Variants in BRD10 observed in about 807,000 individuals in gnomAD.
BRD10 encodes the protein bromodomain containing 10.
chr9:5,928,982 AT>A, the BRD10 span: 42 of 864,364 alleles, frequency 4.9e-5, no homozygotes, highest in Non-Finnish European at 6.8e-5. Flanking sequence ...CCAGGACATC[AT>A]CCAAAAATCG....
At chr9:5,975,565 C>A in the BRD10 span, among the ~76,000 whole-genome samples, 1 of 148,020 alleles carries the variant, frequency 6.8e-6, no homozygotes, top group African/African-American at 2.5e-5. Flanking sequence ...AAGACCCAAA[C>A]TACACTTTTG....
chr9:5,923,595 T>C, the BRD10 span, among the ~76,000 whole-genome samples: 1 of 152,192 alleles, frequency 6.6e-6, no homozygotes, highest in African/African-American at 2.4e-5. Flanking sequence ...CCAGTGTAAG[T>C]GCAAAAAACT....
the BRD10 span, among the ~76,000 whole-genome samples, chr9:6,000,981 C>G: frequency 6.6e-6 from 1 of 152,178 alleles, no homozygotes; most frequent in Non-Finnish European, 1.5e-5. Flanking sequence ...TGTCACTATG[C>G]TGGACTCCAC....
the BRD10 span, chr9:5,988,508 T>C: frequency 1.2e-6 from 2 of 1,613,896 alleles, no homozygotes; most frequent in Non-Finnish European, 1.7e-6. Context: ...TAATAGCCTC[T>C]AGATGTAACT....
At chr9:5,925,850 C>T in the BRD10 span, among the ~76,000 whole-genome samples, 3 of 152,104 alleles carry the variant, frequency 2.0e-5, no homozygotes, top group African/African-American at 4.8e-5. Flanking sequence ...AAGTGTTCTA[C>T]CTTATCCTCA....
At chr9:5,930,369 T>TTTTA in the BRD10 span, among the ~76,000 whole-genome samples, 6,004 of 135,454 alleles carry the variant, frequency 0.044, 216 homozygotes, top group Admixed American at 0.086. Context: ...TATAAGGAGA[T>TTTTA]TATATATATA....
the BRD10 span, among the ~76,000 whole-genome samples, chr9:5,975,682 C>T: frequency 1.3e-5 from 2 of 151,992 alleles, no homozygotes. Flanking sequence ...GAGAGAGAAA[C>T]TGTCCAAACT....
chr9:5,978,203 C>T, the BRD10 span, among the ~76,000 whole-genome samples: 1 of 151,918 alleles, frequency 6.6e-6, no homozygotes, highest in Non-Finnish European at 1.5e-5. Flanking sequence ...CTAATAGAAG[C>T]TGTGCCTAAG....
chr9:5,988,486 T>C, the BRD10 span: 2 of 1,613,836 alleles, frequency 1.2e-6, no homozygotes, highest in Non-Finnish European at 1.7e-6. Flanking sequence ...TCCCTTCTCA[T>C]CCTCCAATCC....
At chr9:5,920,482 G>A in the BRD10 span, 1 of 1,613,948 alleles carries the variant, frequency 6.2e-7, no homozygotes, top group Non-Finnish European at 8.5e-7. Flanking sequence ...TGTAACTGGG[G>A]GTTTTTACTA....
the BRD10 span, among the ~76,000 whole-genome samples, chr9:5,896,506 T>C: frequency 6.6e-6 from 1 of 152,220 alleles, no homozygotes; most frequent in Non-Finnish European, 1.5e-5. Flanking sequence ...GTCCAGTAGA[T>C]GGTACTGAGC....
chr9:5,885,913 T>C, the BRD10 span, among the ~76,000 whole-genome samples: 1 of 152,172 alleles, frequency 6.6e-6, no homozygotes, highest in East Asian at 1.9e-4. Flanking sequence ...CAGCTCCTCC[T>C]ATGAAAGGGC....
chr9:5,949,422 A>C, the BRD10 span, among the ~76,000 whole-genome samples: 2 of 152,188 alleles, frequency 1.3e-5, no homozygotes, highest in Non-Finnish European at 2.9e-5. Context: ...TTTTGGTTTC[A>C]ATTTGTTATG....
the BRD10 span, among the ~76,000 whole-genome samples, chr9:5,905,866 G>A: frequency 4.6e-5 from 7 of 152,140 alleles, no homozygotes; most frequent in South Asian, 6.2e-4. Context: ...CTATTCTCCC[G>A]GCCATGGTCA....
the BRD10 span, among the ~76,000 whole-genome samples, chr9:6,001,181 T>C: frequency 6.6e-6 from 1 of 152,200 alleles, no homozygotes; most frequent in Non-Finnish European, 1.5e-5. Flanking sequence ...TGTATCCCCA[T>C]CCACCTTTCT....
the BRD10 span, among the ~76,000 whole-genome samples, chr9:5,931,534 T>C: frequency 6.6e-5 from 10 of 152,210 alleles, no homozygotes. Context: ...ACTTCTTTCA[T>C]ACAACTTACC....
the BRD10 span, among the ~76,000 whole-genome samples, chr9:5,957,233 T>C: frequency 3.3e-5 from 5 of 152,264 alleles, no homozygotes; most frequent in East Asian, 1.9e-4. Context: ...ACTGTAATAC[T>C]GGATAACTGA....
the BRD10 span, among the ~76,000 whole-genome samples, chr9:5,885,381 CTT>C: frequency 4.7e-5 from 7 of 147,660 alleles, no homozygotes; most frequent in Non-Finnish European, 6.0e-5. Context: ...TATGTTATCT[CTT>C]TTTTTTTTTT....
At chr9:5,974,578 G>A in the BRD10 span, among the ~76,000 whole-genome samples, 51 of 152,238 alleles carry the variant, frequency 3.4e-4, no homozygotes, top group Admixed American at 2.0e-3. Flanking sequence ...CCCAGCTAAG[G>A]CCCAGCAGAC....
Sources: allele counts gnomAD v4.1 joint callset (sites outside exome capture counted in the v4.1 genomes callset), GRCh38; gene constraint gnomAD v4.1.1; transcripts MANE v1.5; gene names NCBI Gene and HGNC (gene_info 2026-07-23, HGNC 2026-07-21).